SEC24A: variants seen among roughly 807,000 people sequenced by gnomAD.
SEC24A encodes the protein SEC24 homolog A, COPII component, also known as protein transport protein Sec24A.
SEC24A carries 93 observed loss-of-function variants against 129.4 expected under a neutral mutation model. The observed-to-expected ratio is 0.72, with a 90% confidence interval of 0.61 to 0.85. SEC24A has a LOEUF of 0.85. Among genes scored for constraint, SEC24A ranks in the 40% least tolerant of loss-of-function variants. The pLI, the probability that SEC24A is intolerant of heterozygous loss-of-function variation, is 0.00. For missense variants in SEC24A, 1,264 were observed against 1,307.4 expected, an observed-to-expected ratio of 0.97 and a Z score of 0.51; for synonymous variants, 460 against 467.3, an observed-to-expected ratio of 0.98 and a Z score of 0.20.
rs1450242708 is a variant in SEC24A at position 134,672,098 on chromosome 5, G to A, written c.817+212G>A. ...AGTGGTGCGATCATGGCTCACTGCA[G>A]CCTCAGTCTCCTGGGCTCAAGCAGT... On this transcript the variant is annotated intron_variant, in intron 4 of 22. Transcript: ENST00000398844. 1.3e-4 allele frequency among the ~76,000 whole-genome samples: 20 copies of A among 152,212 alleles called. No individual in the cohort carries two copies. The East Asian group carries it at 3.7e-3, about 28-fold the overall frequency.
At chr5:134,704,428 A>T (rs759534420) in intron 16 of SEC24A, among the ~76,000 whole-genome samples, 10 of 152,196 alleles carry the variant, frequency 6.6e-5, no homozygotes, top group Non-Finnish European at 1.2e-4. Context: ...AGAGATTTTT[A>T]AAAATTTAGC....
intron 6 of SEC24A, 141 bp from the exon 7 acceptor site, chr5:134,675,882 G>C (rs992132766): frequency 7.4e-6 from 4 of 542,284 alleles, no homozygotes; most frequent in Non-Finnish European, 1.3e-5. Flanking sequence ...ATTTAAATGG[G>C]ATAAAATTTT....
intron 15 of SEC24A, among the ~76,000 whole-genome samples, chr5:134,702,753 G>A (rs1424700556): frequency 6.6e-6 from 1 of 151,920 alleles, no homozygotes; most frequent in African/African-American, 2.4e-5. Flanking sequence ...TTTAGTTTTT[G>A]TTTGTTTGTT....
chr5:134,707,754 T>C (rs1212038972), intron 17 of SEC24A, among the ~76,000 whole-genome samples: 6 of 152,218 alleles, frequency 3.9e-5, no homozygotes, highest in Admixed American at 6.5e-5. Flanking sequence ...TTGGTTCTGC[T>C]ACCATATTGA....
chr5:134,690,450 A>G (rs1161253057), intron 11 of SEC24A, among the ~76,000 whole-genome samples: 1 of 152,150 alleles, frequency 6.6e-6, no homozygotes, highest in Non-Finnish European at 1.5e-5. Flanking sequence ...AGTAGCTGGA[A>G]ATACAGGCAC....
intron 15 of SEC24A, among the ~76,000 whole-genome samples, chr5:134,699,696 CTT>C (rs746836417): frequency 5.3e-5 from 6 of 112,698 alleles, no homozygotes; most frequent in Non-Finnish European, 5.4e-5. Context: ...TTTGTACTCT[CTT>C]TTTTTTTTTT....
chr5:134,694,514 G>A (rs1462062311), intron 13 of SEC24A, among the ~76,000 whole-genome samples: 1 of 152,124 alleles, frequency 6.6e-6, no homozygotes, highest in Non-Finnish European at 1.5e-5. Flanking sequence ...GGGTGTGGTG[G>A]CGGGCGCTGT....
In SEC24A at chr5:134,661,236, G is replaced by A. The variant is rs944025900; in HGVS notation, c.215G>A (p.Gly72Glu). 6.2e-7 allele frequency: 1 copy of A among 1,614,088 alleles called. No homozygotes were observed. Among genetic ancestry groups the A allele is most frequent in the Non-Finnish European group, 8.5e-7 (1 of 1,180,010 alleles). Residue 72 changes from glycine (G) to glutamate (E), a missense_variant, in exon 2 of 23, where the codon GGA becomes GAA. Coordinates refer to ENST00000398844, the MANE Select transcript of SEC24A (RefSeq NM_021982.3). ...IPAKTLNPVS[G>E]QSNYGGSQGS... The stretch of plus-strand genomic sequence containing the variant: ...GCAAAGACTTTGAATCCAGTCTCTG[G>A]ACAGTCTAACTATGGTGGTTCTCAG...
chr5:134,673,567 A>G (rs572998325), intron 4 of SEC24A, among the ~76,000 whole-genome samples: 10 of 151,344 alleles, frequency 6.6e-5, no homozygotes, highest in Admixed American at 2.0e-4. Context: ...AAGCAGTTCT[A>G]CCACCTCAGC....
At position 134,693,934 on chromosome 5, in the gene SEC24A, G is replaced by A; in HGVS notation, c.1986+1G>A. ...ACCAAACCACAGGTCATCTGCTAAG[G>A]TTAGAGAGTCATGAAATGTCTGATA... is the stretch of plus-strand genomic sequence containing the variant. On this transcript the variant is annotated splice_donor_variant, in intron 13 of 22. Transcript: ENST00000398844. LOFTEE classifies it high-confidence loss of function. 1 of 1,612,820 alleles carries A rather than the reference G, an allele frequency of 6.2e-7. No homozygotes were observed. Among genetic ancestry groups the A allele is most frequent in the South Asian group, 1.1e-5 (1 of 91,056 alleles).
chr5:134,669,699 G>A (rs1457259617), intron 3 of SEC24A, among the ~76,000 whole-genome samples: 2 of 150,392 alleles, frequency 1.3e-5, no homozygotes, highest in Admixed American at 6.7e-5. Context: ...GGATGGTCTC[G>A]ATCTCCTGAC....
At chr5:134,701,868 C>T (rs1561826240) in intron 15 of SEC24A, among the ~76,000 whole-genome samples, 3 of 152,216 alleles carry the variant, frequency 2.0e-5, no homozygotes, top group African/African-American at 7.2e-5. Flanking sequence ...TTAGGTTTCT[C>T]TTTTTATTTT....
Position 134,697,215 on chromosome 5 carries a change from C to G in SEC24A, c.2076C>G (p.Leu692=). 6.2e-7 allele frequency: 1 copy of G among 1,604,222 alleles called. No individual in the cohort carries two copies. Among genetic ancestry groups the G allele is most frequent in the Non-Finnish European group, 8.5e-7 (1 of 1,173,022 alleles). Residue 692 remains leucine, a synonymous_variant, in exon 14 of 23, where the codon CTC becomes CTG. Transcript: ENST00000398844. ...GQQVAVDLFL[L]SGQYSDLASL... ...AAGTTGCTGTTGACTTATTCCTTCT[C>G]AGTGGACAGTATTCTGATTTGGCTT...
Position 134,697,108 on chromosome 5 carries a change from A to G in SEC24A, c.1987-18A>G. 2 of 1,354,548 alleles carry G rather than the reference A, an allele frequency of 1.5e-6. No homozygotes were observed. The highest frequency in any genetic ancestry group is 2.0e-6 in the Non-Finnish European group (2 of 978,624). The allele number at this position is 1,354,548 out of a possible 1,614,324, so 83.9% of individuals were successfully genotyped here. A position where few individuals can be genotyped will look rare whatever the true frequency, so the allele number is the denominator to read the frequency against. On this transcript the variant is annotated intron_variant, in intron 13 of 22. Transcript: ENST00000398844. ...TAATGATTTTTTAAAATGTCTCTTT[A>G]TAATTTATTATAAATAGGATATACA...
rs771934786 is a variant in SEC24A at position 134,727,265 on chromosome 5, T to G, written c.*2171T>G. 4 of 152,574 alleles carry G rather than the reference T, an allele frequency of 2.6e-5. No homozygotes were observed. Among genetic ancestry groups the G allele is most frequent in the Admixed American group, 1.3e-4 (2 of 15,270 alleles). The allele number at this position is 152,574 out of a possible 1,614,324, so 9.5% of individuals were successfully genotyped here. On this transcript the variant is annotated 3_prime_UTR_variant, in exon 23 of 23. Transcript: ENST00000398844. Reference sequence around the variant, plus strand: ...ATTTTTTTTAATTATAGTTGTAAATTATGAAAGATCCTTGAATTTTCTACA... The same window carrying G: ...ATTTTTTTTAATTATAGTTGTAAATGATGAAAGATCCTTGAATTTTCTACA...
chr5:134,706,369 G>A (rs188626943), intron 17 of SEC24A, among the ~76,000 whole-genome samples: 5 of 152,074 alleles, frequency 3.3e-5, no homozygotes, highest in Non-Finnish European at 4.4e-5. Flanking sequence ...ATATCTTCAC[G>A]TATTTATTTC....
rs1751305750 is a variant in SEC24A at position 134,682,384 on chromosome 5, T to C, written c.1393T>C (p.Phe465Leu). ...TTAACTTTATATAGTTCCTGAAGAA[T>C]TCTTGTACAACCCTTTGACCAGAGT... The part of the protein sequence containing the change: ...CYRVNDVPEE[F>L]LYNPLTRVYG... Residue 465 changes from phenylalanine (F) to leucine (L), a missense_variant, in exon 9 of 23, where the codon TTC becomes CTC. Transcript: ENST00000398844. 2 of 1,578,662 alleles carry C rather than the reference T, an allele frequency of 1.3e-6. No homozygotes were observed.
intron 7 of SEC24A, among the ~76,000 whole-genome samples, chr5:134,677,947 G>A (rs192563950): frequency 1.4e-3 from 220 of 152,222 alleles, no homozygotes; most frequent in Non-Finnish European, 1.8e-3. Context: ...CTGTCTCAGG[G>A]TTTCTGGTAA....
intron 3 of SEC24A, among the ~76,000 whole-genome samples, chr5:134,670,895 A>G (rs1020818102): frequency 6.6e-6 from 1 of 152,042 alleles, no homozygotes; most frequent in African/African-American, 2.4e-5. Flanking sequence ...AGGCTGAGGC[A>G]GGAGAATCCC....
Sources: gnomAD v4.1 joint callset for allele counts (sites outside exome capture counted in the v4.1 genomes callset) on GRCh38, gnomAD v4.1.1 for gene constraint, MANE v1.5 for transcripts, NCBI Gene and HGNC (gene_info 2026-07-23, HGNC 2026-07-21) for gene names.